The following DUS4L variants were observed in gnomAD, a reference collection of about 807,000 sequenced individuals.
DUS4L encodes the protein dihydrouridine synthase 4 like.
A neutral mutation model predicts 33.8 loss-of-function variants in DUS4L; 31 were observed. The ratio of observed to expected loss-of-function variants is 0.92; its 90% CI spans 0.69 to 1.24. The LOEUF is 1.24. Among genes scored for constraint, DUS4L ranks in the 50% most tolerant of loss-of-function variants. The pLI, the probability that DUS4L is intolerant of heterozygous loss-of-function variation, is 0.00. For synonymous variants in DUS4L, 103 were observed against 120.3 expected (o/e 0.86, Z 0.94); for missense variants, 368 against 388.6 (o/e 0.95, Z 0.45).
rs1024817034 is a variant in DUS4L, at chr7:107,577,682, G to A, written c.*122G>A. Reference sequence around the variant, plus strand: ...TAGTATAAAAACAATTCCTGGGAGCGTTTTTTAAAAATCAGTTGTAGACAC... The same window carrying A: ...TAGTATAAAAACAATTCCTGGGAGCATTTTTTAAAAATCAGTTGTAGACAC... On this transcript the variant is annotated 3_prime_UTR_variant, in exon 8 of 8. Transcript: ENST00000265720. The A allele has an allele frequency of 3.7e-5, 43 of 1,157,086 alleles. No individual in the cohort carries two copies. Among genetic ancestry groups the A allele is most frequent in the Middle Eastern group, 3.0e-4 (1 of 3,370 alleles). 71.7% of individuals were successfully genotyped at this position (1,157,086 alleles called of 1,614,324 possible). A position where few individuals can be genotyped will look rare whatever the true frequency, so the allele number is the denominator to read the frequency against.
chr7:107,566,792 G>GAAAAAAA (rs5886419), intron 2 of DUS4L, among the ~76,000 whole-genome samples: 1 of 145,978 alleles, frequency 6.9e-6, no homozygotes, highest in African/African-American at 2.5e-5. Context: ...GTAAACTAGG[G>GAAAAAAA]AAAAAAAAAA....
rs1301280749 is a variant in DUS4L, at chr7:107,577,524, A to G, written c.918A>G (p.Ala306=). 6.2e-7 allele frequency: 1 copy of G among 1,614,094 alleles called. No homozygotes were observed. The highest frequency in any genetic ancestry group is 1.1e-5 in the South Asian group (1 of 91,072). ...TTAATGCTCTGTCAAGCACATCAGC[A>G]ATCATAGATTACCTTACAGACCATT... ...RVFNALSSTS[A]IIDYLTDHYG... Residue 306 remains alanine, a synonymous_variant, in exon 8 of 8, where the codon GCA becomes GCG. Coordinates refer to ENST00000265720, the MANE Select transcript of DUS4L (RefSeq NM_181581.3).
chr7:107,574,346 CTTTT>C (rs761005292), intron 5 of DUS4L, among the ~76,000 whole-genome samples: 6 of 125,976 alleles, frequency 4.8e-5, no homozygotes, highest in East Asian at 2.2e-4. Flanking sequence ...AATAATATTT[CTTTT>C]TTTTTTTTTT....
intron 5 of DUS4L, 188 bp downstream of exon 5, chr7:107,574,009 T>A: frequency 1.2e-6 from 1 of 859,960 alleles, no homozygotes; most frequent in Non-Finnish European, 1.5e-6. Context: ...AGGTCTTTTC[T>A]GATGACTGAA....
At chr7:107,564,253 T>A (rs1804326121) in intron 1 of DUS4L, 44 bp downstream of exon 1, 4 of 559,396 alleles carry the variant, frequency 7.2e-6, no homozygotes, top group Non-Finnish European at 1.3e-5. Context: ...GTGAAGCAAG[T>A]ATTAAACCTC....
At chr7:107,567,268 C>T in intron 3 of DUS4L, 82 bp downstream of exon 3, 1 of 1,152,206 alleles carries the variant, frequency 8.7e-7, no homozygotes, top group South Asian at 1.4e-5. Flanking sequence ...GTAAGACCAC[C>T]CACCATATGG....
chr7:107,564,061 T>C lies in DUS4L; in HGVS notation c.-259T>C. On this transcript the variant is annotated 5_prime_UTR_variant, in exon 1 of 8. Coordinates refer to ENST00000265720, the MANE Select transcript of DUS4L (RefSeq NM_181581.3). ...TAAGCCTGGCTAGGAGCCGCGCAGG[T>C]ACTCGAGCAGTGGGCGCCCAGGGTC... 1 of 1,467,276 alleles carries C rather than the reference T, an allele frequency of 6.8e-7. No homozygotes were observed. The highest frequency in any genetic ancestry group is 9.1e-7 in the Non-Finnish European group (1 of 1,095,176). 90.9% of individuals were successfully genotyped at this position (1,467,276 alleles called of 1,614,324 possible).
rs760568864 is a variant in DUS4L at position 107,571,258 on chromosome 7, CA to C, written c.233del (p.Asn78IlefsTer7). ...AAAGCCAGAGACAGCGAATTTACCA[CA>C]AATCAAGGTATGTGAAACCGAGTGT... ...SIKARDSEFTTNQGDCPLIVQ... is the reference protein window; with the variant it reads ...SIKARDSEFTXNQGDCPLIVQ... On this transcript the variant is annotated frameshift_variant, in exon 4 of 8. Transcript: ENST00000265720. LOFTEE classifies it high-confidence loss of function. 6.2e-7 allele frequency: 1 copy of C among 1,608,990 alleles called. No homozygotes were observed. Among genetic ancestry groups the C allele is most frequent in the South Asian group, 1.1e-5 (1 of 89,726 alleles).
At position 107,577,707 on chromosome 7, in the gene DUS4L, C is replaced by T. The variant is rs1434195929; in HGVS notation, c.*147C>T. 2 of 770,370 alleles carry T rather than the reference C, an allele frequency of 2.6e-6. No individual in the cohort carries two copies. The highest frequency in any genetic ancestry group is 2.8e-5 in the East Asian group (1 of 35,590). The allele number at this position is 770,370 out of a possible 1,614,324, so 47.7% of individuals were successfully genotyped here. ...GTTTTTTAAAAATCAGTTGTAGACA[C>T]CACCCTCAGAGATTCTGATTAGGTA... On this transcript the variant is annotated 3_prime_UTR_variant, in exon 8 of 8. Transcript: ENST00000265720.
chr7:107,564,169 C>T lies in DUS4L; in HGVS notation c.-151C>T. 1.5e-6 allele frequency: 1 copy of T among 652,590 alleles called. No homozygotes were observed. The highest frequency in any genetic ancestry group is 1.9e-5 in the South Asian group (1 of 51,862). 40.4% of individuals were successfully genotyped at this position (652,590 alleles called of 1,614,324 possible). A position where few individuals can be genotyped will look rare whatever the true frequency, so the allele number is the denominator to read the frequency against. On this transcript the variant is annotated 5_prime_UTR_variant, in exon 1 of 8. Transcript: ENST00000265720. ...GCTGTCTCTCGCAGCAGCTCAGGGC[C>T]GCGCCCCCTGGGCTGGCGTCGTGCC...
In DUS4L at chr7:107,577,710, C is replaced by G. The variant is rs1211711229; in HGVS notation, c.*150C>G. The G allele has an allele frequency of 1.2e-5, 9 of 742,852 alleles. No individual in the cohort carries two copies. The highest frequency in any genetic ancestry group is 1.7e-5 in the Non-Finnish European group (8 of 478,486). 46.0% of individuals were successfully genotyped at this position (742,852 alleles called of 1,614,324 possible). On this transcript the variant is annotated 3_prime_UTR_variant, in exon 8 of 8. Transcript: ENST00000265720. Reference sequence around the variant, plus strand: ...TTTTAAAAATCAGTTGTAGACACCACCCTCAGAGATTCTGATTAGGTAGAT... The same window carrying G: ...TTTTAAAAATCAGTTGTAGACACCAGCCTCAGAGATTCTGATTAGGTAGAT...
rs1805873875 is a variant in DUS4L at position 107,577,663 on chromosome 7, A to G, written c.*103A>G. ...ACCAGTAGCTCTCAAATTTTAGTATAAAAACAATTCCTGGGAGCGTTTTTT... is the reference window on the plus strand; with the variant it reads ...ACCAGTAGCTCTCAAATTTTAGTATGAAAACAATTCCTGGGAGCGTTTTTT... On this transcript the variant is annotated 3_prime_UTR_variant, in exon 8 of 8. Coordinates refer to ENST00000265720, the MANE Select transcript of DUS4L (RefSeq NM_181581.3). 6 of 1,306,150 alleles carry G rather than the reference A, an allele frequency of 4.6e-6. No individual in the cohort carries two copies. Among genetic ancestry groups the G allele is most frequent in the East Asian group, 2.4e-5 (1 of 41,702 alleles). The allele number at this position is 1,306,150 out of a possible 1,614,324, so 80.9% of individuals were successfully genotyped here.
chr7:107,564,991 A>G (rs968187846), intron 2 of DUS4L, among the ~76,000 whole-genome samples: 16 of 152,184 alleles, frequency 1.1e-4, no homozygotes, highest in African/African-American at 3.9e-4. Flanking sequence ...CATACTCATA[A>G]CACCTCAGGT....
chr7:107,570,070 G>A (rs1172249906), intron 3 of DUS4L: 1 of 150,728 alleles, frequency 6.6e-6, no homozygotes, highest in Non-Finnish European at 1.5e-5. Context: ...CCAAGAGTTA[G>A]CTTTTTTTTT....
intron 4 of DUS4L, among the ~76,000 whole-genome samples, chr7:107,572,587 T>C (rs1222033186): frequency 1.1e-4 from 17 of 152,168 alleles, no homozygotes; most frequent in Admixed American, 1.1e-3. Flanking sequence ...CGGTGGCTCA[T>C]GCCTGTAATC....
In DUS4L at chr7:107,572,981, GAAC is replaced by G. The variant is rs543326010; in HGVS notation, c.239-719_239-717del. On this transcript the variant is annotated intron_variant, in intron 4 of 7. Coordinates refer to ENST00000265720, the MANE Select transcript of DUS4L (RefSeq NM_181581.3). ...TTATTAAAAAAATTACAAATAAAAA[GAAC>G]AACTAATGGAAAAATTATATACAGA... 1.3e-4 allele frequency among the ~76,000 whole-genome samples: 20 copies of G among 151,718 alleles called. No homozygotes were observed. In the East Asian group the frequency reaches 2.1e-3, roughly 16 times the overall value.
At chr7:107,572,152 C>T (rs1805304376) in intron 4 of DUS4L, among the ~76,000 whole-genome samples, 1 of 152,056 alleles carries the variant, frequency 6.6e-6, no homozygotes, top group African/African-American at 2.4e-5. Context: ...TAGGTTCGGC[C>T]TCCTTGAGGG....
intron 6 of DUS4L, 117 bp from the exon 7 acceptor site, chr7:107,576,249 A>T: frequency 2.0e-6 from 2 of 992,246 alleles, no homozygotes; most frequent in Non-Finnish European, 3.0e-6. Context: ...GACATAGAGT[A>T]ATAATATGAT....
intron 3 of DUS4L, 133 bp from the exon 4 acceptor site, chr7:107,571,012 C>T: frequency 8.5e-7 from 1 of 1,171,740 alleles, no homozygotes; most frequent in Non-Finnish European, 1.2e-6. Context: ...TAATACTTAA[C>T]AGGAATAATA....
Sources: allele counts gnomAD v4.1 joint callset (sites outside exome capture counted in the v4.1 genomes callset), GRCh38; gene constraint gnomAD v4.1.1; transcripts MANE v1.5; gene names NCBI Gene and HGNC (gene_info 2026-07-23, HGNC 2026-07-21).